MYO16: variants seen among roughly 807,000 people sequenced by gnomAD.
The protein encoded by MYO16 is myosin XVI, also known as unconventional myosin-XVI.
In MYO16, 94 loss-of-function variants were observed where a neutral mutation model predicts 205.3. The observed-to-expected ratio is 0.46, with a 90% CI of 0.39 to 0.54. The LOEUF (loss-of-function observed/expected upper bound fraction) is 0.54. Ranked by LOEUF, MYO16 falls within the 20% of genes least tolerant of loss-of-function variation. The pLI, the probability that MYO16 is intolerant of heterozygous loss-of-function variation, is 0.00. For missense variants in MYO16, 2,315 were observed against 2,387.5 expected (o/e 0.97, Z 0.63); for synonymous variants, 988 against 954.0 (o/e 1.04, Z -0.66).
the MYO16 span, among the ~76,000 whole-genome samples, chr13:108,582,838 T>C: frequency 1.3e-5 from 2 of 152,174 alleles, no homozygotes; most frequent in African/African-American, 4.8e-5. Flanking sequence ...AGTTTCCGAG[T>C]ACTCCTGGAA....
rs188784504 is a variant in MYO16 at position 109,185,529 on chromosome 13, T to C, written c.5415+5896T>C. Among the ~76,000 whole-genome samples the C allele has an allele frequency of 3.2e-3, 489 of 152,326 alleles. 1 individual carries two copies. Among genetic ancestry groups the C allele is most frequent in the Non-Finnish European group, 4.6e-3 (312 of 68,034 alleles). On this transcript the variant is annotated intron_variant, in intron 34 of 34. Coordinates refer to ENST00000457511, the MANE Select transcript of MYO16 (RefSeq NM_001198950.3). ...TATCCAAAATATGGAGGAGATTAGATTGGATCAAGAGAACCCAATATTTTT... is the reference window on the plus strand; with the variant it reads ...TATCCAAAATATGGAGGAGATTAGACTGGATCAAGAGAACCCAATATTTTT...
At chr13:109,051,265 A>AT (rs1277928886) in intron 24 of MYO16, among the ~76,000 whole-genome samples, 1 of 151,886 alleles carries the variant, frequency 6.6e-6, no homozygotes, top group African/African-American at 2.4e-5. Flanking sequence ...TAATGTAGGG[A>AT]TTTTTTTAAT....
At chr13:108,684,551 T>C (rs1443423990) in intron 2 of MYO16, among the ~76,000 whole-genome samples, 2 of 152,216 alleles carry the variant, frequency 1.3e-5, no homozygotes, top group Admixed American at 6.5e-5. Flanking sequence ...AGTTCCTATC[T>C]GAGGCAGAGC....
chr13:108,818,422 G>T (rs936535723), intron 7 of MYO16, among the ~76,000 whole-genome samples: 11 of 145,734 alleles, frequency 7.5e-5, no homozygotes, highest in African/African-American at 3.0e-4. Context: ...ATAAAAAAGA[G>T]AGAGATTAAT....
intron 34 of MYO16, among the ~76,000 whole-genome samples, chr13:109,180,360 G>A (rs1298731969): frequency 6.6e-6 from 1 of 151,978 alleles, no homozygotes; most frequent in Non-Finnish European, 1.5e-5. Context: ...TTAAATAATT[G>A]TCTTTAAAAT....
intron 2 of MYO16, among the ~76,000 whole-genome samples, chr13:108,677,545 T>C (rs558416451): frequency 2.6e-5 from 4 of 151,958 alleles, no homozygotes; most frequent in East Asian, 1.9e-4. Flanking sequence ...ATATTTATTT[T>C]AACCCAGTAT....
rs980236761 is a variant in MYO16 at position 108,641,952 on chromosome 13, T to A, written c.28+12080T>A. Among the ~76,000 whole-genome samples, 5 of 152,266 alleles carry A rather than the reference T, an allele frequency of 3.3e-5. No homozygotes were observed. In the East Asian group the frequency reaches 9.7e-4, roughly 29 times the overall value. ...GACAGGGAGGCAGCACATCCCTCCATGATCATTAGGGGAGACTCCACTGCT... is the reference window on the plus strand; with the variant it reads ...GACAGGGAGGCAGCACATCCCTCCAAGATCATTAGGGGAGACTCCACTGCT... On this transcript the variant is annotated intron_variant, in intron 1 of 34. Transcript: ENST00000457511.
chr13:108,798,434 A>G (rs1886857500), intron 6 of MYO16, among the ~76,000 whole-genome samples: 1 of 152,142 alleles, frequency 6.6e-6, no homozygotes, highest in Admixed American at 6.5e-5. Flanking sequence ...CAAAATAACT[A>G]AATATAACAT....
chr13:109,017,744 G>C (rs191181936), intron 22 of MYO16, among the ~76,000 whole-genome samples: 47 of 152,024 alleles, frequency 3.1e-4, no homozygotes, highest in Admixed American at 3.1e-3. Flanking sequence ...CTTTCTTCCA[G>C]TTGATTGAAT....
At chr13:108,574,669 TTGTGTG>T in the MYO16 span, among the ~76,000 whole-genome samples, 867 of 136,562 alleles carry the variant, frequency 6.3e-3, 5 homozygotes, top group East Asian at 0.011. Context: ...CAATAACAAT[TTGTGTG>T]TGTGTGTGTG....
At chr13:109,096,736 C>CG (rs11371300) in intron 27 of MYO16, among the ~76,000 whole-genome samples, 118,606 of 151,546 alleles carry the variant, frequency 0.78, 46,570 homozygotes, top group Middle Eastern at 0.87. Flanking sequence ...ACAAAGATGT[C>CG]CCCTTACTCT....
At chr13:108,806,539 G>A (rs1213209545) in intron 6 of MYO16, 140 bp from the exon 7 acceptor site, 1 of 571,008 alleles carries the variant, frequency 1.8e-6, no homozygotes, top group South Asian at 3.6e-5. Context: ...AAATAAAATT[G>A]CATGTATGTT....
chr13:108,552,390 C>T, the MYO16 span, among the ~76,000 whole-genome samples: 2 of 152,050 alleles, frequency 1.3e-5, no homozygotes, highest in African/African-American at 4.8e-5. Flanking sequence ...TTTGTTGAAA[C>T]GTGTTTTATT....
intron 16 of MYO16, among the ~76,000 whole-genome samples, chr13:108,942,307 C>G (rs1017141025): frequency 6.6e-6 from 1 of 152,282 alleles, no homozygotes; most frequent in African/African-American, 2.4e-5. Context: ...TCTAAATGGA[C>G]TTCCCTTAGA....
intron 23 of MYO16, among the ~76,000 whole-genome samples, chr13:109,022,878 T>G: frequency 7.6e-6 from 1 of 130,812 alleles, no homozygotes; most frequent in Non-Finnish European, 1.6e-5. Flanking sequence ...AACATGTATA[T>G]ATTTATTATA....
At chr13:108,505,007 A>C in the MYO16 span, among the ~76,000 whole-genome samples, 1 of 152,200 alleles carries the variant, frequency 6.6e-6, no homozygotes, top group Non-Finnish European at 1.5e-5. Flanking sequence ...TTAAGGCTGA[A>C]TAATACTCCA....
intron 16 of MYO16, among the ~76,000 whole-genome samples, chr13:108,919,513 C>CTCCATTCCTTGTCTCAGCAAT (rs11270056): frequency 6.6e-6 from 1 of 151,834 alleles, no homozygotes; most frequent in Non-Finnish European, 1.5e-5. Context: ...TTGACATCTT[C>CTCCATTCCTTGTCTCAGCAAT]TCCTTTAGGG....
At chr13:109,165,822 C>T (rs140677217) in intron 33 of MYO16, among the ~76,000 whole-genome samples, 1 of 152,262 alleles carries the variant, frequency 6.6e-6, no homozygotes, top group East Asian at 1.9e-4. Context: ...CTTCTGACTG[C>T]CTTCTCAAAT....
At position 109,120,316 on chromosome 13, in the gene MYO16, C is replaced by T. The variant is rs936898810; in HGVS notation, c.3439-54C>T. 4.9e-6 allele frequency: 6 copies of T among 1,232,564 alleles called. No homozygotes were observed. In the African/African-American group the frequency reaches 9.1e-5, roughly 19 times the overall value. The allele number at this position is 1,232,564 out of a possible 1,614,324, so 76.4% of individuals were successfully genotyped here. ...ATATTTTGTCTGATTATTTTTCCATCATCATTTTGGTATCTTCATGCTGTT... is the reference window on the plus strand; with the variant it reads ...ATATTTTGTCTGATTATTTTTCCATTATCATTTTGGTATCTTCATGCTGTT... On this transcript the variant is annotated intron_variant, in intron 28 of 34. Transcript: ENST00000457511.
Sources: gnomAD v4.1 joint callset for allele counts (sites outside exome capture counted in the v4.1 genomes callset) on GRCh38, gnomAD v4.1.1 for gene constraint, MANE v1.5 for transcripts, NCBI Gene and HGNC (gene_info 2026-07-23, HGNC 2026-07-21) for gene names.